The following ADGRD1 variants were observed in gnomAD, a reference collection of about 807,000 sequenced individuals.
The protein encoded by ADGRD1 is adhesion G protein-coupled receptor D1.
Under a neutral mutation model 113.4 loss-of-function variants are expected in ADGRD1, and 77 were observed. The ratio of observed to expected loss-of-function variants is 0.68; its 90% CI spans 0.57 to 0.82. ADGRD1 has a LOEUF of 0.82. Ranked by LOEUF, ADGRD1 falls within the 40% of genes least tolerant of loss-of-function variation. ADGRD1 has a pLI of 0.00. For missense variants in ADGRD1, 1,036 were observed against 1,139.1 expected (o/e 0.91, Z 1.30); for synonymous variants, 474 against 475.0 (o/e 1.00, Z 0.03).
intron 14 of ADGRD1, among the ~76,000 whole-genome samples, chr12:131,079,844 A>G (rs1885931712): frequency 6.6e-6 from 1 of 151,952 alleles, no homozygotes; most frequent in Non-Finnish European, 1.5e-5. Flanking sequence ...TTTTTTATCT[A>G]TAATCTGTGT....
chr12:131,101,377 C>CTTTCTTTTTTTTTTTTTT (rs1950076237), intron 15 of ADGRD1, among the ~76,000 whole-genome samples: 5 of 36,130 alleles, frequency 1.4e-4, no homozygotes, highest in African/African-American at 4.6e-4. Flanking sequence ...TTCTTTCTTT[C>CTTTCTTTTTTTTTTTTTT]TTTTTTTTTT....
Position 130,971,497 on chromosome 12 carries a change from A to T in ADGRD1, c.227A>T (p.Lys76Ile). Residue 76 changes from lysine (K) to isoleucine (I), a missense_variant, in exon 4 of 25, where the codon AAA (lysine) becomes ATA (isoleucine). Transcript: ENST00000261654. This position sits in a 1 kb window ranked among gnomAD's most constrained non-coding sequence, Gnocchi z 4.2. ...EGKVNKGIYL[K>I]EEKGVTLLYY... ...AAGGTCAACAAAGGCATTTACCTGA[A>T]AGAGGAAAAGGGAGTCACGCTTCTC... is the stretch of plus-strand genomic sequence containing the variant. The T allele has an allele frequency of 6.2e-7, 1 of 1,613,632 alleles. No individual in the cohort carries two copies. Among genetic ancestry groups the T allele is most frequent in the East Asian group, 2.2e-5 (1 of 44,862 alleles).
At chr12:131,023,574 CTT>C (rs1879583096) in intron 13 of ADGRD1, 1 of 152,178 alleles carries the variant, frequency 6.6e-6, no homozygotes, top group Admixed American at 6.5e-5. Flanking sequence ...CATAGAAACT[CTT>C]TGGTACTCAG....
At chr12:131,039,821 G>T (rs912600039) in intron 13 of ADGRD1, among the ~76,000 whole-genome samples, 1 of 152,256 alleles carries the variant, frequency 6.6e-6, no homozygotes, top group African/African-American at 2.4e-5. Flanking sequence ...ATTACTTGCA[G>T]ACATTTCAAA....
At chr12:130,964,319 G>A (rs1032286777) in intron 2 of ADGRD1, among the ~76,000 whole-genome samples, 4 of 152,000 alleles carry the variant, frequency 2.6e-5, no homozygotes, top group Admixed American at 6.5e-5. Flanking sequence ...GTGAGGTTGG[G>A]ATCTTAATTT....
chr12:131,072,120 T>A (rs1387569073), intron 13 of ADGRD1, among the ~76,000 whole-genome samples: 4 of 151,350 alleles, frequency 2.6e-5, no homozygotes, highest in African/African-American at 9.7e-5. Context: ...TCTGCATGCC[T>A]CTCCGGCTTG....
At chr12:131,085,643 C>G (rs910608995) in intron 15 of ADGRD1, among the ~76,000 whole-genome samples, 1 of 152,178 alleles carries the variant, frequency 6.6e-6, no homozygotes, top group Non-Finnish European at 1.5e-5. Flanking sequence ...CCCACACTCA[C>G]GTCTGTCGGT....
At chr12:130,957,182 A>AT (rs1214269404) in intron 2 of ADGRD1, 2 of 152,350 alleles carry the variant, frequency 1.3e-5, no homozygotes, top group African/African-American at 4.8e-5. Flanking sequence ...ACATACATGT[A>AT]TTTACACATG....
rs535949713 is a variant in ADGRD1 at position 130,954,835 on chromosome 12, C to G, written c.103+175C>G. ...GTGACCCTGGGCAGCTCTGCTACCC[C>G]TCACCGGCTGAGCGGTGGATGGAGA... On this transcript the variant is annotated intron_variant, in intron 2 of 24. Transcript: ENST00000261654. This position sits in a 1 kb window ranked among gnomAD's most constrained non-coding sequence, Gnocchi z 4.7. 6.6e-6 allele frequency among the ~76,000 whole-genome samples: 1 copy of G among 152,220 alleles called. No individual in the cohort carries two copies. Among genetic ancestry groups the G allele is most frequent in the Admixed American group, 6.5e-5 (1 of 15,280 alleles).
intron 6 of ADGRD1, chr12:130,990,716 T>C (rs996269454): frequency 7.4e-6 from 2 of 271,520 alleles, no homozygotes; most frequent in Admixed American, 5.2e-5. Context: ...CTTTATTTAT[T>C]TGAAATCGGT....
intron 15 of ADGRD1, among the ~76,000 whole-genome samples, chr12:131,091,262 T>C (rs1566101396): frequency 6.6e-6 from 1 of 152,224 alleles, no homozygotes. Context: ...TGAGAATCTA[T>C]GTCAGAGAAT....
intron 12 of ADGRD1, among the ~76,000 whole-genome samples, chr12:131,007,499 A>G (rs762383754): frequency 6.6e-6 from 1 of 152,226 alleles, no homozygotes; most frequent in East Asian, 1.9e-4. Context: ...AGCCTTGCAG[A>G]TGGAAGACAG....
At chr12:131,138,086 G>A (rs560365200) in intron 23 of ADGRD1, 51 bp from the exon 24 acceptor site, 21 of 1,464,982 alleles carry the variant, frequency 1.4e-5, no homozygotes, top group South Asian at 8.0e-5. Context: ...CTCTGGTTAC[G>A]GCTGTTGCAG....
chr12:131,009,452 T>C (rs996038444), intron 12 of ADGRD1, among the ~76,000 whole-genome samples: 3 of 152,206 alleles, frequency 2.0e-5, no homozygotes, highest in African/African-American at 7.2e-5. Flanking sequence ...GTGTGTGCAG[T>C]TGACTCTGGA....
At chr12:130,986,046 ACT>A (rs759251815) in intron 5 of ADGRD1, among the ~76,000 whole-genome samples, 92 of 152,134 alleles carry the variant, frequency 6.0e-4, no homozygotes, top group South Asian at 2.7e-3. Flanking sequence ...CCAATGCCAC[ACT>A]GTCTTGACTA....
chr12:131,116,604 C>T (rs911063019), intron 18 of ADGRD1, among the ~76,000 whole-genome samples: 4 of 152,180 alleles, frequency 2.6e-5, no homozygotes, highest in Non-Finnish European at 4.4e-5. Flanking sequence ...AGAAATCTCC[C>T]AGAACCTGTG....
chr12:131,095,975 C>T (rs539930950), intron 15 of ADGRD1, among the ~76,000 whole-genome samples: 2 of 147,796 alleles, frequency 1.4e-5, no homozygotes, highest in Non-Finnish European at 3.0e-5. Flanking sequence ...TGGAAACTGA[C>T]GGTCACGGCC....
chr12:131,051,261 T>A (rs1036789093), intron 13 of ADGRD1, among the ~76,000 whole-genome samples: 1 of 152,228 alleles, frequency 6.6e-6, no homozygotes, highest in Admixed American at 6.5e-5. Flanking sequence ...GAACGATTCC[T>A]TGTTTCTTTT....
rs368889899 is a variant in ADGRD1, at chr12:131,007,477, T to C, written c.1331+1430T>C. ...GAGGAGAGGCCGGCGGGGCCTGCTC[T>C]GGGGAGCCCACAGCCTTGCAGATGG... On this transcript the variant is annotated intron_variant, in intron 12 of 24. Coordinates refer to ENST00000261654, the MANE Select transcript of ADGRD1 (RefSeq NM_198827.5). Among the ~76,000 whole-genome samples, 6 of 152,236 alleles carry C rather than the reference T, an allele frequency of 3.9e-5. No individual in the cohort carries two copies. The East Asian group carries it at 1.2e-3, about 29-fold the overall frequency.
Sources: gnomAD v4.1 joint callset for allele counts (sites outside exome capture counted in the v4.1 genomes callset) on GRCh38, gnomAD v4.1.1 for gene constraint, Gnocchi (gnomAD v3.1) non-coding constraint, MANE v1.5 for transcripts, NCBI Gene and HGNC (gene_info 2026-07-23, HGNC 2026-07-21) for gene names.